ZNF185: variants seen among roughly 807,000 people sequenced by gnomAD.
The protein encoded by ZNF185 is zinc finger protein 185.
Under a neutral mutation model 58.6 loss-of-function variants are expected in ZNF185, and 56 were observed. The observed-to-expected ratio is 0.95, with a 90% CI of 0.77 to 1.19. ZNF185 has a LOEUF of 1.19. ZNF185 is among the 50% of genes most tolerant of loss of function. The pLI is 0.00. For synonymous variants in ZNF185, 230 were observed against 215.9 expected, an observed-to-expected ratio of 1.07 and a Z score of -0.57; for missense variants, 627 against 573.5, an observed-to-expected ratio of 1.09 and a Z score of -0.95.
the ZNF185 span, among the ~76,000 whole-genome samples, chrX:152,907,272 C>G: frequency 9.0e-6 from 1 of 111,609 alleles, no homozygotes; most frequent in African/African-American, 3.2e-5. Context: ...GCGTCAGCTC[C>G]CCTCTCACTC....
intron 11 of ZNF185, among the ~76,000 whole-genome samples, chrX:152,923,167 G>A (rs1400513608): frequency 1.8e-5 from 2 of 112,071 alleles, no homozygotes; most frequent in Non-Finnish European, 3.8e-5. Flanking sequence ...CTGCATCTCT[G>A]TAGCACCCTT....
At chrX:152,930,733 C>T (rs1941800744) in intron 12 of ZNF185, among the ~76,000 whole-genome samples, 1 of 111,080 alleles carries the variant, frequency 9.0e-6, no homozygotes, top group African/African-American at 3.3e-5. Flanking sequence ...AGGTGTGTGG[C>T]CAGGGAGGTA....
chrX:152,958,072 T>C (rs188027158), intron 16 of ZNF185, among the ~76,000 whole-genome samples: 1 of 111,933 alleles, frequency 8.9e-6, no homozygotes, highest in Non-Finnish European at 1.9e-5. Flanking sequence ...CTTCAGTGTG[T>C]TGTTGTTCAT....
chrX:152,927,824 A>AGAGT (rs112340966), intron 11 of ZNF185, among the ~76,000 whole-genome samples: 4 of 110,916 alleles, frequency 3.6e-5, no homozygotes, highest in Non-Finnish European at 5.7e-5. Context: ...GGGCCCAGGG[A>AGAGT]CAAAGGCAGG....
intron 16 of ZNF185, among the ~76,000 whole-genome samples, chrX:152,955,564 T>C (rs968473078): frequency 8.9e-6 from 1 of 112,786 alleles, no homozygotes; most frequent in African/African-American, 3.2e-5. Flanking sequence ...TGGGTCCTAG[T>C]GCATGAGCTC....
intron 15 of ZNF185, 46 bp downstream of exon 17, chrX:152,938,209 C>A (rs1556884552): frequency 2.7e-6 from 3 of 1,125,742 alleles, no homozygotes; most frequent in Non-Finnish European, 3.6e-6. Context: ...TGGAGAGAGG[C>A]AGCTTGGGCT....
chrX:152,957,525 C>T (rs1481329938), intron 16 of ZNF185, among the ~76,000 whole-genome samples: 2 of 112,237 alleles, frequency 1.8e-5, no homozygotes, highest in East Asian at 5.6e-4. Flanking sequence ...TTAGAACTAA[C>T]TATGATATGA....
intron 15 of ZNF185, chrX:152,941,817 G>A: frequency 1.7e-6 from 2 of 1,158,341 alleles, no homozygotes; most frequent in South Asian, 3.8e-5. Context: ...GGAGCTGGCT[G>A]CCCCTTCCCC....
At chrX:152,910,452 G>A (rs1188950034), upstream of ZNF185, among the ~76,000 whole-genome samples, 1 of 112,001 alleles carries the variant, frequency 8.9e-6, no homozygotes. Context: ...CCTGCTTTAC[G>A]GGCTGCTTTT....
chrX:152,921,340 T>C (rs1230879058), intron 9 of ZNF185, among the ~76,000 whole-genome samples: 1 of 111,392 alleles, frequency 9.0e-6, no homozygotes, highest in Admixed American at 9.5e-5. Flanking sequence ...GGAAGGCCTC[T>C]CTCTGTGCTG....
chrX:152,924,114 T>C (rs1394009087), intron 11 of ZNF185, among the ~76,000 whole-genome samples: 3 of 110,813 alleles, frequency 2.7e-5, no homozygotes, highest in Admixed American at 1.9e-4. Context: ...GCCTGCGTCC[T>C]AATCACTTCT....
intron 15 of ZNF185, among the ~76,000 whole-genome samples, chrX:152,939,158 G>A (rs1477960318): frequency 2.7e-5 from 3 of 112,198 alleles, no homozygotes; most frequent in African/African-American, 9.7e-5. Flanking sequence ...AAAGGTGAAT[G>A]CATGTTTGCA....
At chrX:152,909,827 A>G (rs1936868366), upstream of ZNF185, among the ~76,000 whole-genome samples, 1 of 111,384 alleles carries the variant, frequency 9.0e-6, no homozygotes, top group Non-Finnish European at 1.9e-5. Context: ...CGGAGTGAGC[A>G]AGCAAGAGAA....
At chrX:152,933,949 C>G (rs1447323710) in intron 14 of ZNF185, among the ~76,000 whole-genome samples, 1 of 112,346 alleles carries the variant, frequency 8.9e-6, no homozygotes, top group Non-Finnish European at 1.9e-5. Context: ...AGGAAGGGGA[C>G]AGCAGGTCCT....
chrX:152,931,833 C>G, intron 13 of ZNF185, 57 bp downstream of exon 14: 1 of 1,040,981 alleles, frequency 9.6e-7, no homozygotes. Flanking sequence ...CCACATACAC[C>G]CAGCTGAAGG....
intron 12 of ZNF185, among the ~76,000 whole-genome samples, chrX:152,930,795 G>A (rs1941810567): frequency 9.0e-6 from 1 of 111,432 alleles, no homozygotes; most frequent in Non-Finnish European, 1.9e-5. Flanking sequence ...GAAGGCTGGA[G>A]TGGCCCACTG....
In ZNF185 at chrX:152,914,925, A is replaced by G. The variant is rs1001801951; in HGVS notation, c.158+92A>G. The G allele has an allele frequency of 2.7e-5, 29 of 1,087,405 alleles. No individual in the cohort carries two copies. The South Asian group carries it at 6.1e-4, about 23-fold the overall frequency. The allele number at this position is 1,087,405 out of a possible 1,213,427, so 89.6% of individuals were successfully genotyped here. On this transcript the variant is annotated intron_variant, in intron 2 of 22. Transcript: ENST00000449285. ...TACCTGGGGATGCGAAGGGGCTTCCACCATTCAGAGCTCCGCCAGGCCATG... is the reference window on the plus strand; with the variant it reads ...TACCTGGGGATGCGAAGGGGCTTCCGCCATTCAGAGCTCCGCCAGGCCATG...
exon 18 of ZNF185, chrX:152,963,863 GGTCACTGTTACT>G (rs782519607): frequency 8.3e-7 from 1 of 1,211,195 alleles, no homozygotes; most frequent in East Asian, 3.0e-5. Flanking sequence ...CGAGCTGCAT[GGTCACTGTTACT>G]GTCACTGCCA....
chrX:152,922,857 C>T, intron 11 of ZNF185, 48 bp downstream of exon 12: 1 of 1,115,042 alleles, frequency 9.0e-7, no homozygotes. Context: ...GTGATGGCTT[C>T]CCGCCAGCCT....
Sources: gnomAD v4.1 joint callset for allele counts (sites outside exome capture counted in the v4.1 genomes callset) on GRCh38, gnomAD v4.1.1 for gene constraint, MANE v1.5 for transcripts, NCBI Gene and HGNC (gene_info 2026-07-23, HGNC 2026-07-21) for gene names.